URI1: variants seen among roughly 807,000 people sequenced by gnomAD.
URI1 encodes the protein URI1 prefoldin like chaperone.
A neutral mutation model predicts 60.2 loss-of-function variants in URI1; 39 were observed. The observed-to-expected ratio is 0.65, with a 90% CI of 0.50 to 0.85. The LOEUF (loss-of-function observed/expected upper bound fraction) is 0.85, where lower values mean the gene tolerates loss of function less well. Ranked by LOEUF, URI1 falls within the 40% of genes least tolerant of loss-of-function variation. URI1 has a pLI of 0.00. For missense variants in URI1, 691 were observed against 665.9 expected (o/e 1.04, Z -0.42); for synonymous variants, 251 against 236.8 (o/e 1.06, Z -0.55).
Position 30,009,048 on chromosome 19 carries a change from T to C in URI1, c.730T>C (p.Ser244Pro), listed in dbSNP as rs1198711718. The C allele has an allele frequency of 1.2e-6, 2 of 1,613,586 alleles. No individual in the cohort carries two copies. The highest frequency in any genetic ancestry group is 2.7e-5 in the African/African-American group (2 of 74,920). ...TGCAAATGGAGAAGATACGACATCT[T>C]CTGAAGAGGAAAAGGAAGATCGTAA... ...VIANGEDTTSSEEEKEDRNTN... is the reference protein window; with the variant it reads ...VIANGEDTTSPEEEKEDRNTN... The change falls in exon 8 of 11, where the codon TCT becomes CCT. Residue 244 changes from serine (S) to proline (P), a missense_variant. Ser to Pro is a moderately conservative substitution (Grantham distance 74). Coordinates refer to ENST00000392271, the MANE Select transcript of URI1 (RefSeq NM_003796.3).
intron 3 of URI1, 63 bp downstream of exon 3, chr19:29,985,364 C>G: frequency 5.0e-6 from 7 of 1,391,458 alleles, no homozygotes; most frequent in Non-Finnish European, 7.1e-6. Flanking sequence ...AACTATGTGT[C>G]GGTTCACAGA....
chr19:29,965,439 T>C (rs1216682567), intron 1 of URI1, among the ~76,000 whole-genome samples: 1 of 152,360 alleles, frequency 6.6e-6, no homozygotes, highest in African/African-American at 2.4e-5. Context: ...ATTTCTTATC[T>C]GCAGTTCGGA....
chr19:29,962,402 C>CTTT (rs11331580), intron 1 of URI1, among the ~76,000 whole-genome samples: 13 of 123,480 alleles, frequency 1.1e-4, no homozygotes, highest in African/African-American at 3.6e-4. Flanking sequence ...TTTATAGTAT[C>CTTT]TTTTTTTTTT....
chr19:30,006,303 A>G lies in URI1; in HGVS notation c.517+595A>G, dbSNP rs189577029. ...TAACGGTAGTGAAATTGTAAAAAGT[A>G]TTACAGATGGCTTATTATTTGCTAC... On this transcript the variant is annotated intron_variant, in intron 6 of 10. Coordinates refer to ENST00000392271, the MANE Select transcript of URI1 (RefSeq NM_003796.3). Among the ~76,000 whole-genome samples, 331 of 152,228 alleles carry G rather than the reference A, an allele frequency of 2.2e-3. 1 individual carries two copies. The highest frequency in any genetic ancestry group is 7.7e-3 in the African/African-American group (320 of 41,548).
At chr19:29,975,802 G>A (rs918353562) in intron 2 of URI1, among the ~76,000 whole-genome samples, 3 of 152,036 alleles carry the variant, frequency 2.0e-5, no homozygotes, top group African/African-American at 4.8e-5. Context: ...CACCGCACCC[G>A]GCCCCTCAGT....
At chr19:29,929,909 G>A (rs2054901941) in intron 1 of URI1, among the ~76,000 whole-genome samples, 1 of 150,182 alleles carries the variant, frequency 6.7e-6, no homozygotes, top group Non-Finnish European at 1.5e-5. Context: ...CTCGTTCTGT[G>A]TGTTATCTTT....
Position 30,004,117 on chromosome 19 carries a change from A to G in URI1, c.368-1244A>G, listed in dbSNP as rs551623125. ...CAGATTTGCCATGGCAACCGGTCCA[A>G]TTTGCTGCCGTGAGAAAAGGTCTAA... is the stretch of plus-strand genomic sequence containing the variant. On this transcript the variant is annotated intron_variant, in intron 4 of 10. Transcript: ENST00000392271. Among the ~76,000 whole-genome samples, 11 of 152,150 alleles carry G rather than the reference A, an allele frequency of 7.2e-5. No individual in the cohort carries two copies. In the East Asian group the frequency reaches 1.2e-3, roughly 16 times the overall value.
chr19:29,941,070 A>T (rs760180329), upstream of URI1, among the ~76,000 whole-genome samples: 6 of 152,204 alleles, frequency 3.9e-5, no homozygotes, highest in Non-Finnish European at 8.8e-5. Flanking sequence ...ATAAAAAGGA[A>T]AAAAAGGGTG....
chr19:29,972,666 G>T (rs2055474320), intron 2 of URI1, among the ~76,000 whole-genome samples: 1 of 152,026 alleles, frequency 6.6e-6, no homozygotes, highest in African/African-American at 2.4e-5. Context: ...GCTATGTTTG[G>T]CACAAAATAG....
chr19:29,958,270 T>C (rs1360395996), intron 1 of URI1, among the ~76,000 whole-genome samples: 1 of 152,196 alleles, frequency 6.6e-6, no homozygotes, highest in Non-Finnish European at 1.5e-5. Flanking sequence ...GAACCTTTAA[T>C]ATAATGTAAA....
At chr19:29,956,107 C>T (rs979554688) in intron 1 of URI1, among the ~76,000 whole-genome samples, 5 of 151,802 alleles carry the variant, frequency 3.3e-5, no homozygotes, top group Non-Finnish European at 7.4e-5. Context: ...GCCTCAGCCT[C>T]CCATGTTGCT....
chr19:29,948,209 T>G (rs2055126390), intron 1 of URI1, among the ~76,000 whole-genome samples: 1 of 152,194 alleles, frequency 6.6e-6, no homozygotes, highest in Non-Finnish European at 1.5e-5. Flanking sequence ...GTTTTAGTTG[T>G]GGTTCCTCAA....
rs550059140 is a variant in URI1, at chr19:29,990,085, G to A, written c.367+3668G>A. On this transcript the variant is annotated intron_variant, in intron 4 of 10. Coordinates refer to ENST00000392271, the MANE Select transcript of URI1 (RefSeq NM_003796.3). ...GTTTGAGGTGTGGGGTTTAGGTCAC[G>A]GTTCATTTTTCTTGCATATGGATGT... 3.9e-5 allele frequency among the ~76,000 whole-genome samples: 6 copies of A among 152,180 alleles called. No individual in the cohort carries two copies. In the South Asian group the frequency reaches 1.0e-3, roughly 26 times the overall value.
chr19:29,943,114 T>A (rs993822566), intron 1 of URI1, among the ~76,000 whole-genome samples: 5 of 151,816 alleles, frequency 3.3e-5, no homozygotes, highest in African/African-American at 9.7e-5. Context: ...ATAATGCCAT[T>A]TAAACATTAA....
chr19:29,942,501 G>C lies in URI1; in HGVS notation c.-47G>C. The C allele has an allele frequency of 8.4e-7, 1 of 1,185,552 alleles. No homozygotes were observed. Among genetic ancestry groups the C allele is most frequent in the Non-Finnish European group, 1.0e-6 (1 of 956,874 alleles). 73.4% of individuals were successfully genotyped at this position (1,185,552 alleles called of 1,614,324 possible). A position where few individuals can be genotyped will look rare whatever the true frequency, so the allele number is the denominator to read the frequency against. Reference sequence around the variant, plus strand: ...ACTGCCGGCCGCGCCGCCTGCGCAGGCGCTGGTTCAGGACTCACACGCCGC... The same window carrying C: ...ACTGCCGGCCGCGCCGCCTGCGCAGCCGCTGGTTCAGGACTCACACGCCGC... On this transcript the variant is annotated 5_prime_UTR_variant, in exon 1 of 11. Coordinates refer to ENST00000392271, the MANE Select transcript of URI1 (RefSeq NM_003796.3).
intron 1 of URI1, among the ~76,000 whole-genome samples, chr19:29,954,511 C>CTTTTTTT (rs11411965): frequency 8.6e-6 from 1 of 115,920 alleles, no homozygotes; most frequent in African/African-American, 3.4e-5. Context: ...TACAGATAAA[C>CTTTTTTT]TTTTTTTTTT....
intron 2 of URI1, among the ~76,000 whole-genome samples, chr19:29,976,614 A>G (rs1312606745): frequency 6.6e-6 from 1 of 152,230 alleles, no homozygotes; most frequent in Non-Finnish European, 1.5e-5. Flanking sequence ...ATGCACTGCA[A>G]TGACTTTATT....
Position 30,007,593 on chromosome 19 carries a change from T to C in URI1, c.641T>C (p.Leu214Pro). The C allele has an allele frequency of 6.2e-7, 1 of 1,613,042 alleles. No homozygotes were observed. The change falls in exon 7 of 11, where the codon CTT (leucine) becomes CCT (proline). Residue 214 changes from leucine to proline, a missense_variant. Leu to Pro is a moderately conservative substitution (Grantham distance 98, BLOSUM62 -3). Transcript: ENST00000392271. Reference sequence around the variant, plus strand: ...GCTGATAAAGAACTGTGGGCTCGACTTGAAGAACTAGAGAGACAGGAAGAA... The same window carrying C: ...GCTGATAAAGAACTGTGGGCTCGACCTGAAGAACTAGAGAGACAGGAAGAA... ...LLADKELWARLEELERQEELL... is the reference protein window; with the variant it reads ...LLADKELWARPEELERQEELL...
intron 9 of URI1, 65 bp from the exon 10 acceptor site, chr19:30,012,220 C>T: frequency 6.7e-7 from 1 of 1,487,856 alleles, no homozygotes; most frequent in Non-Finnish European, 8.9e-7. Flanking sequence ...AGGAAATTTT[C>T]AAAAAGTTGT....
Sources: allele counts gnomAD v4.1 joint callset (sites outside exome capture counted in the v4.1 genomes callset), GRCh38; gene constraint gnomAD v4.1.1; transcripts MANE v1.5; gene names NCBI Gene and HGNC (gene_info 2026-07-23, HGNC 2026-07-21).